The following TMEM185A variants were observed in gnomAD, a reference collection of about 807,000 sequenced individuals.
The protein encoded by TMEM185A is transmembrane protein 185A.
In TMEM185A, 9 loss-of-function variants were observed where a neutral mutation model predicts 25.0. The ratio of observed to expected loss-of-function variants is 0.36; its 90% confidence interval spans 0.22 to 0.63. TMEM185A has a LOEUF of 0.63. Ranked by LOEUF, TMEM185A falls within the 20% of genes least tolerant of loss-of-function variation. The pLI, the probability that TMEM185A is intolerant of heterozygous loss-of-function variation, is 0.68. For synonymous variants in TMEM185A, 45 were observed against 93.5 expected (o/e 0.48, Z 2.99); for missense variants, 103 against 237.4 (o/e 0.43, Z 3.72).
At chrX:149,608,072 C>T in intron 3 of TMEM185A, among the ~76,000 whole-genome samples, 1 of 112,212 alleles carries the variant, frequency 8.9e-6, no homozygotes, top group Middle Eastern at 4.6e-3. Flanking sequence ...AGTTCCTTAA[C>T]TCTCTTTATA....
At chrX:149,613,773 A>G (rs781954303) in intron 1 of TMEM185A, among the ~76,000 whole-genome samples, 74 of 112,550 alleles carry the variant, frequency 6.6e-4, no homozygotes, top group South Asian at 2.9e-3. Flanking sequence ...GGGCCTGGGT[A>G]TCTGTGTATT....
intron 1 of TMEM185A, among the ~76,000 whole-genome samples, chrX:149,624,889 G>C (rs1447136228): frequency 8.9e-6 from 1 of 111,873 alleles, no homozygotes; most frequent in African/African-American, 3.3e-5. Context: ...TTTCCCCCAG[G>C]TCTGTCTCCT....
At chrX:149,617,078 C>T (rs1244791530) in intron 1 of TMEM185A, among the ~76,000 whole-genome samples, 2 of 112,137 alleles carry the variant, frequency 1.8e-5, no homozygotes, top group East Asian at 5.6e-4. Context: ...GAGGAAAGTA[C>T]ACCTTGACTC....
intron 1 of TMEM185A, among the ~76,000 whole-genome samples, chrX:149,621,759 A>G (rs1410852087): frequency 9.0e-6 from 1 of 111,637 alleles, no homozygotes; most frequent in Non-Finnish European, 1.9e-5. Context: ...CCCTTCCTCC[A>G]TCTTCAAAGT....
At chrX:149,613,532 CA>C (rs1370502017) in intron 1 of TMEM185A, among the ~76,000 whole-genome samples, 1 of 112,046 alleles carries the variant, frequency 8.9e-6, no homozygotes, top group Non-Finnish European at 1.9e-5. Flanking sequence ...TGCTTGAAAG[CA>C]GATTAATCCC....
At chrX:149,620,607 G>A (rs1557355451) in intron 1 of TMEM185A, among the ~76,000 whole-genome samples, 1 of 111,392 alleles carries the variant, frequency 9.0e-6, no homozygotes, top group Non-Finnish European at 1.9e-5. Context: ...GCTGTTTGAT[G>A]CACTACTTTT....
chrX:149,616,902 A>G (rs1436307450), intron 1 of TMEM185A, among the ~76,000 whole-genome samples: 1 of 112,749 alleles, frequency 8.9e-6, no homozygotes, highest in Non-Finnish European at 1.9e-5. Context: ...AAGCTACAGT[A>G]ATAAACACAA....
chrX:149,617,080 C>T (rs1447525448), intron 1 of TMEM185A, among the ~76,000 whole-genome samples: 1 of 112,126 alleles, frequency 8.9e-6, no homozygotes, highest in African/African-American at 3.2e-5. Flanking sequence ...GGAAAGTACA[C>T]CTTGACTCTT....
intron 1 of TMEM185A, among the ~76,000 whole-genome samples, chrX:149,629,658 G>A (rs887000388): frequency 8.9e-6 from 1 of 112,186 alleles, no homozygotes; most frequent in Non-Finnish European, 1.9e-5. Flanking sequence ...TGAATATGTT[G>A]AGAATTACTA....
At chrX:149,612,273 T>A (rs1400870058) in intron 1 of TMEM185A, among the ~76,000 whole-genome samples, 4 of 111,695 alleles carry the variant, frequency 3.6e-5, no homozygotes, top group Non-Finnish European at 7.5e-5. Context: ...ATAAAGGAGG[T>A]AAACCCTACT....
At chrX:149,626,464 TAC>T (rs2090163282) in intron 1 of TMEM185A, among the ~76,000 whole-genome samples, 1 of 112,780 alleles carries the variant, frequency 8.9e-6, no homozygotes, top group African/African-American at 3.2e-5. Context: ...TACCTGAACA[TAC>T]CAGGCACTAT....
Position 149,606,564 on chromosome X carries a change from C to T in TMEM185A, c.423+2063G>A, listed in dbSNP as rs143119190. 9.2e-3 allele frequency among the ~76,000 whole-genome samples: 1,032 copies of T among 112,127 alleles called. 12 individuals are homozygous for T. Among genetic ancestry groups the T allele is most frequent in the African/African-American group, 0.032 (974 of 30,802 alleles). ...CTTCCTTTCCACCTTGTGCTCCCGT[C>T]GGATCTGAATCGCCACAGTCCACTC... On this transcript the variant is annotated intron_variant, in intron 3 of 6. Transcript: ENST00000600449.
rs1557351856 is a variant in TMEM185A at position 149,597,225 on chromosome X, G to GGC, written c.*785_*786insGC. 18 of 82,214 alleles carry GGC rather than the reference G, an allele frequency of 2.2e-4. 1 individual carries two copies. The highest frequency in any genetic ancestry group is 6.9e-4 in the African/African-American group (17 of 24,665). 6.8% of individuals were successfully genotyped at this position (82,214 alleles called of 1,213,427 possible). A position where few individuals can be genotyped will look rare whatever the true frequency, so the allele number is the denominator to read the frequency against. Reference sequence around the variant, plus strand: ...CATGAAGGCGTGGCACCCCACGGGGGGGGGGGGAGTGTGCCACGGGCGTCC... The same window carrying GGC: ...CATGAAGGCGTGGCACCCCACGGGGGGCGGGGGGGAGTGTGCCACGGGCGTCC... On this transcript the variant is annotated 3_prime_UTR_variant, in exon 7 of 7. Transcript: ENST00000600449.
At chrX:149,614,447 T>C (rs1422492796) in intron 1 of TMEM185A, among the ~76,000 whole-genome samples, 13 of 111,569 alleles carry the variant, frequency 1.2e-4, no homozygotes, top group Non-Finnish European at 2.3e-4. Flanking sequence ...ATCAAATACT[T>C]ACATTAGAAA....
chrX:149,606,956 G>C (rs1003193327), intron 3 of TMEM185A: 1 of 112,454 alleles, frequency 8.9e-6, no homozygotes, highest in Non-Finnish European at 1.9e-5. Context: ...TCAAGTCCCT[G>C]ATATAAACTG....
At chrX:149,631,442 G>A in intron 1 of TMEM185A, 101 bp downstream of exon 1, 1 of 996,211 alleles carries the variant, frequency 1.0e-6, no homozygotes, top group South Asian at 2.6e-5. Context: ...CGGGTCCTCG[G>A]GCTGCAGCAT....
Position 149,613,222 on chromosome X carries a change from G to A in TMEM185A, c.39-1759C>T, listed in dbSNP as rs191540328. On this transcript the variant is annotated intron_variant, in intron 1 of 6. Coordinates refer to ENST00000600449, the MANE Select transcript of TMEM185A (RefSeq NM_032508.4). ...TACTAATCAGCTAACTTTACAATAG[G>A]AAGATTATACTGGATTATCCAGGTG... 5.0e-4 allele frequency among the ~76,000 whole-genome samples: 56 copies of A among 112,383 alleles called. 1 individual carries two copies. The highest frequency in any genetic ancestry group is 8.3e-4 in the Non-Finnish European group (44 of 53,289).
intron 1 of TMEM185A, among the ~76,000 whole-genome samples, chrX:149,613,306 G>A (rs1172212416): frequency 7.1e-5 from 8 of 112,260 alleles, no homozygotes; most frequent in African/African-American, 2.6e-4. Context: ...GAGAAATGTG[G>A]TGGAAGAGAG....
intron 1 of TMEM185A, among the ~76,000 whole-genome samples, chrX:149,630,515 T>C (rs1167102104): frequency 8.9e-6 from 1 of 111,848 alleles, no homozygotes; most frequent in Non-Finnish European, 1.9e-5. Context: ...TCTTCCCAAC[T>C]GGCAAATAAG....
Sources: allele counts gnomAD v4.1 joint callset (sites outside exome capture counted in the v4.1 genomes callset), GRCh38; gene constraint gnomAD v4.1.1; transcripts MANE v1.5; gene names NCBI Gene and HGNC (gene_info 2026-07-23, HGNC 2026-07-21).